Variants in WDFY3 observed in about 807,000 individuals in gnomAD.
WDFY3 encodes the protein WD repeat and FYVE domain containing 3, also known as WD repeat and FYVE domain-containing protein 3.
WDFY3 carries 66 observed loss-of-function variants against 409.6 expected under a neutral mutation model. That is an observed-to-expected ratio of 0.16 (90% CI 0.13 to 0.20). WDFY3 has a LOEUF of 0.20. Ranked by LOEUF, WDFY3 falls within the 10% of genes least tolerant of loss-of-function variation. The pLI is 1.00. For missense variants in WDFY3, 3,031 were observed against 4,298.1 expected (o/e 0.71, Z 8.24); for synonymous variants, 1,521 against 1,537.1 (o/e 0.99, Z 0.25).
At chr4:84,755,046 G>A (rs1741199818) in intron 34 of WDFY3, among the ~76,000 whole-genome samples, 1 of 152,138 alleles carries the variant, frequency 6.6e-6, no homozygotes, top group African/African-American at 2.4e-5. Flanking sequence ...AAGTACCAGA[G>A]GTGAGATTTT....
chr4:84,945,418 C>T (rs986313944), intron 1 of WDFY3, among the ~76,000 whole-genome samples: 3 of 152,212 alleles, frequency 2.0e-5, no homozygotes, highest in African/African-American at 7.2e-5. Flanking sequence ...TCTCTGCCAG[C>T]ACCACCATTC....
chr4:84,730,813 T>G (rs990973825), intron 44 of WDFY3, among the ~76,000 whole-genome samples: 6 of 152,048 alleles, frequency 3.9e-5, no homozygotes, highest in African/African-American at 1.2e-4. Flanking sequence ...CTGTATTTTT[T>G]TTTTTAGATG....
chr4:84,962,155 C>G (rs1379739637), intron 1 of WDFY3, among the ~76,000 whole-genome samples: 1 of 152,174 alleles, frequency 6.6e-6, no homozygotes, highest in African/African-American at 2.4e-5. Context: ...TGGCTGGTAC[C>G]AGCTCATGGG....
At position 84,724,553 on chromosome 4, in the gene WDFY3, T is replaced by C. The variant is rs745339697; in HGVS notation, c.7314A>G (p.Lys2438=). 1 of 1,614,006 alleles carries C rather than the reference T, an allele frequency of 6.2e-7. No individual in the cohort carries two copies. Among genetic ancestry groups the C allele is most frequent in the Non-Finnish European group, 8.5e-7 (1 of 1,179,938 alleles). ...CAGAGGCCAGTCGCATGTAGTACTC[T>C]TTACTGTCATAACTTACGGCTCTTC... ...RYRRAVSYDS[K]EYYMRLASGN... The change falls in exon 46 of 68, where the codon AAA becomes AAG. Residue 2438 remains lysine (K), a synonymous_variant. Coordinates refer to ENST00000295888, the MANE Select transcript of WDFY3 (RefSeq NM_014991.6).
intron 1 of WDFY3, among the ~76,000 whole-genome samples, chr4:84,961,958 A>G (rs1032305159): frequency 1.3e-5 from 2 of 152,366 alleles, no homozygotes; most frequent in South Asian, 4.1e-4. Context: ...CTAGGTATTA[A>G]CTCAAGAAAA....
chr4:84,836,803 A>G (rs571751787), intron 7 of WDFY3, 126 bp downstream of exon 7: 228 of 825,328 alleles, frequency 2.8e-4, no homozygotes, highest in Middle Eastern at 3.9e-4. Context: ...TATATGAGAT[A>G]AAGTCATACT....
At chr4:84,876,262 A>G (rs1578934138) in intron 3 of WDFY3, among the ~76,000 whole-genome samples, 1 of 152,180 alleles carries the variant, frequency 6.6e-6, no homozygotes, top group East Asian at 1.9e-4. Context: ...TTGTTCACCA[A>G]CATATCATTA....
intron 18 of WDFY3, 91 bp downstream of exon 18, chr4:84,797,905 C>A (rs1749790644): frequency 4.9e-6 from 6 of 1,234,854 alleles, no homozygotes; most frequent in Middle Eastern, 2.4e-4. Flanking sequence ...CCTTCTCTTT[C>A]TTTGCTTTCA....
At chr4:84,726,757 T>A (rs771552213) in intron 45 of WDFY3, 104 bp downstream of exon 45, 1 of 980,060 alleles carries the variant, frequency 1.0e-6, no homozygotes, top group East Asian at 2.5e-5. Flanking sequence ...TGAAAGCCAA[T>A]CTTTTAAGTT....
chr4:84,674,817 G>A (rs1344200295), intron 67 of WDFY3, among the ~76,000 whole-genome samples: 2 of 151,256 alleles, frequency 1.3e-5, no homozygotes, highest in East Asian at 3.9e-4. Context: ...GCAGTGAGCC[G>A]AGATCACGCC....
At chr4:84,818,354 A>G (rs1011870327) in intron 12 of WDFY3, among the ~76,000 whole-genome samples, 1 of 152,078 alleles carries the variant, frequency 6.6e-6, no homozygotes, top group Non-Finnish European at 1.5e-5. Flanking sequence ...CCTCTAAGTA[A>G]TTCTTCTATC....
intron 16 of WDFY3, among the ~76,000 whole-genome samples, chr4:84,802,346 G>A (rs1560798269): frequency 2.0e-5 from 3 of 148,474 alleles, no homozygotes; most frequent in African/African-American, 7.5e-5. Flanking sequence ...TGCAACCTCC[G>A]CCTCCTGGGT....
At chr4:84,754,220 G>A (rs896267344) in intron 34 of WDFY3, among the ~76,000 whole-genome samples, 3 of 152,030 alleles carry the variant, frequency 2.0e-5, no homozygotes, top group Admixed American at 6.6e-5. Flanking sequence ...TTGCCCCATC[G>A]TGCATCATGC....
intron 10 of WDFY3, among the ~76,000 whole-genome samples, chr4:84,822,196 C>T (rs532574378): frequency 4.6e-5 from 7 of 151,996 alleles, no homozygotes; most frequent in African/African-American, 1.7e-4. Context: ...AAATTAGTGA[C>T]AATAATTATA....
In WDFY3 at chr4:84,774,898, G is replaced by T; in HGVS notation, c.4676C>A (p.Ser1559Tyr). The T allele has an allele frequency of 6.2e-7, 1 of 1,613,932 alleles. No individual in the cohort carries two copies. The part of the protein sequence containing the change: ...LLLTLRDMSL[S>Y]QPTIAAISNV... ...ACTAATAGCAGCAATAGTAGGCTGGGATAAAGACATATCTCGAAGAGTCAG... is the reference window on the plus strand; with the variant it reads ...ACTAATAGCAGCAATAGTAGGCTGGTATAAAGACATATCTCGAAGAGTCAG... Residue 1559 changes from serine to tyrosine, a missense_variant, in exon 29 of 68, where the codon TCC (serine) becomes TAC (tyrosine). Physicochemically the swap from Ser to Tyr is moderately radical, Grantham distance 144. Transcript: ENST00000295888.
chr4:84,786,936 AC>A (rs1229229139), intron 23 of WDFY3, among the ~76,000 whole-genome samples: 23 of 152,340 alleles, frequency 1.5e-4, no homozygotes, highest in Admixed American at 1.4e-3. Context: ...TGGAATCAGA[AC>A]AAGGGAGTGG....
intron 61 of WDFY3, among the ~76,000 whole-genome samples, chr4:84,689,618 G>C (rs1452932410): frequency 6.6e-6 from 1 of 152,124 alleles, no homozygotes; most frequent in Non-Finnish European, 1.5e-5. Context: ...ACCACTGTTT[G>C]AGTTTGGCTT....
intron 7 of WDFY3, 47 bp downstream of exon 7, chr4:84,836,882 A>G: frequency 1.5e-6 from 2 of 1,378,296 alleles, no homozygotes; most frequent in Non-Finnish European, 1.9e-6. Context: ...AAGTATACCC[A>G]CTTCCCTTTA....
chr4:84,830,279 A>C (rs1755509808), intron 8 of WDFY3, among the ~76,000 whole-genome samples: 1 of 152,206 alleles, frequency 6.6e-6, no homozygotes, highest in Non-Finnish European at 1.5e-5. Flanking sequence ...CATGTATTCA[A>C]TAGAAACTGT....
Sources: gnomAD v4.1 joint callset for allele counts (sites outside exome capture counted in the v4.1 genomes callset) on GRCh38, gnomAD v4.1.1 for gene constraint, MANE v1.5 for transcripts, NCBI Gene and HGNC (gene_info 2026-07-23, HGNC 2026-07-21) for gene names.